Variants in MAP4K4 observed in about 807,000 individuals in gnomAD.
The protein encoded by MAP4K4 is mitogen-activated protein kinase kinase kinase kinase 4.
MAP4K4 carries 38 observed loss-of-function variants against 189.6 expected under a neutral mutation model. That is an observed-to-expected ratio of 0.20 (90% confidence interval 0.15 to 0.26). The LOEUF (loss-of-function observed/expected upper bound fraction) is 0.26, where lower values mean the gene tolerates loss of function less well. MAP4K4 is among the 10% of genes least tolerant of loss of function. The pLI, the probability that MAP4K4 is intolerant of heterozygous loss-of-function variation, is 1.00. For synonymous variants in MAP4K4, 610 were observed against 624.3 expected (o/e 0.98, Z 0.34); for missense variants, 1,054 against 1,726.9 (o/e 0.61, Z 6.91).
intron 2 of MAP4K4, among the ~76,000 whole-genome samples, chr2:101,742,079 T>G (rs1174562750): frequency 6.6e-6 from 1 of 152,216 alleles, no homozygotes; most frequent in African/African-American, 2.4e-5. Context: ...GAGGGCTGTG[T>G]GACCTGGTTC....
chr2:101,708,561 C>CT (rs34098781), intron 2 of MAP4K4, among the ~76,000 whole-genome samples: 1 of 152,092 alleles, frequency 6.6e-6, no homozygotes, highest in Non-Finnish European at 1.5e-5. Context: ...TTGAACAAAC[C>CT]TTTGAGAGAT....
chr2:101,762,613 T>C (rs2076961407), intron 2 of MAP4K4, among the ~76,000 whole-genome samples: 2 of 152,334 alleles, frequency 1.3e-5, no homozygotes, highest in Admixed American at 1.3e-4. Flanking sequence ...ATTAAGGGCA[T>C]GGCCATCTAA....
At chr2:101,794,653 A>G (rs141607306) in intron 3 of MAP4K4, among the ~76,000 whole-genome samples, 1 of 152,296 alleles carries the variant, frequency 6.6e-6, no homozygotes, top group East Asian at 1.9e-4. Context: ...ATAAAATTTT[A>G]CCTAATGTTC....
rs189188579 is a variant in MAP4K4, at chr2:101,873,138, G to A, written c.2953-509G>A. Among the ~76,000 whole-genome samples the A allele has an allele frequency of 7.2e-5, 11 of 152,234 alleles. No individual in the cohort carries two copies. The East Asian group carries it at 1.7e-3, about 24-fold the overall frequency. ...GTCCTCATTTGGTATGGGTTTAATG[G>A]TGATGCACCTAAAACAACAGTAGCC... is the stretch of plus-strand genomic sequence containing the variant. On this transcript the variant is annotated intron_variant, in intron 24 of 32. Coordinates refer to ENST00000324219, the Ensembl canonical transcript of MAP4K4.
At chr2:101,841,773 T>C (rs1028080959) in intron 10 of MAP4K4, among the ~76,000 whole-genome samples, 1 of 152,182 alleles carries the variant, frequency 6.6e-6, no homozygotes, top group Non-Finnish European at 1.5e-5. Context: ...AGCCTGATTT[T>C]CATCTTGTAT....
At chr2:101,748,534 T>G (rs1311124788) in intron 2 of MAP4K4, among the ~76,000 whole-genome samples, 1 of 152,160 alleles carries the variant, frequency 6.6e-6, no homozygotes, top group East Asian at 1.9e-4. Flanking sequence ...TGAGGCCAGG[T>G]GCGTTGTCTG....
chr2:101,787,992 C>T (rs894044215), intron 2 of MAP4K4, among the ~76,000 whole-genome samples: 10 of 151,798 alleles, frequency 6.6e-5, no homozygotes, highest in East Asian at 1.9e-4. Flanking sequence ...TTAGTGGATT[C>T]GGGGTTTCAC....
intron 2 of MAP4K4, among the ~76,000 whole-genome samples, chr2:101,773,042 T>C (rs1221689307): frequency 1.3e-5 from 2 of 152,164 alleles, no homozygotes; most frequent in African/African-American, 2.4e-5. Context: ...GCCTTGTAAA[T>C]GCTGCTGACT....
chr2:101,762,881 T>G (rs752167776), intron 2 of MAP4K4, among the ~76,000 whole-genome samples: 2 of 152,202 alleles, frequency 1.3e-5, no homozygotes, highest in Non-Finnish European at 2.9e-5. Flanking sequence ...TCTGCTAGTT[T>G]CCAGCAGCTG....
At position 101,704,560 on chromosome 2, in the gene MAP4K4, TA is replaced by T. The variant is rs1277376897; in HGVS notation, c.123+6023del. On this transcript the variant is annotated intron_variant, in intron 2 of 32. Transcript: ENST00000324219. ...GTGTGTGTATATATATATATATATA[TA>T]TATATATTTTTTTTTTTTTTTTTTT... is the stretch of plus-strand genomic sequence containing the variant. 4.2e-3 allele frequency among the ~76,000 whole-genome samples: 329 copies of T among 78,134 alleles called. 2 individuals are homozygous for T. The highest frequency in any genetic ancestry group is 6.1e-3 in the Non-Finnish European group (253 of 41,410). 51.3% of individuals were successfully genotyped at this position (78,134 alleles called of 152,430 possible).
chr2:101,850,811 G>A (rs888675442), intron 12 of MAP4K4, among the ~76,000 whole-genome samples: 5 of 152,098 alleles, frequency 3.3e-5, no homozygotes, highest in Non-Finnish European at 7.4e-5. Context: ...ATTTTGTAGC[G>A]AGTTTAATTC....
At chr2:101,794,396 T>A (rs1413271519) in intron 3 of MAP4K4, among the ~76,000 whole-genome samples, 1 of 152,220 alleles carries the variant, frequency 6.6e-6, no homozygotes, top group Non-Finnish European at 1.5e-5. Flanking sequence ...TTGAGTGAGG[T>A]TTGTCTCTGA....
intron 2 of MAP4K4, among the ~76,000 whole-genome samples, chr2:101,731,024 C>T (rs1488688571): frequency 6.7e-6 from 1 of 150,170 alleles, no homozygotes; most frequent in Non-Finnish European, 1.5e-5. Flanking sequence ...CTAGCCTGGG[C>T]GACAGAGGGA....
chr2:101,739,061 T>C (rs1439457506), intron 2 of MAP4K4, among the ~76,000 whole-genome samples: 1 of 152,172 alleles, frequency 6.6e-6, no homozygotes, highest in Non-Finnish European at 1.5e-5. Context: ...TGTCTACTGT[T>C]ACACATAATA....
chr2:101,750,964 C>A (rs1468866968), intron 2 of MAP4K4, among the ~76,000 whole-genome samples: 2 of 152,052 alleles, frequency 1.3e-5, no homozygotes, highest in Non-Finnish European at 2.9e-5. Flanking sequence ...TATCTTTTCA[C>A]TTCCTTCTGT....
intron 15 of MAP4K4, chr2:101,860,253 A>G (rs1367355615): frequency 9.8e-6 from 3 of 305,542 alleles, no homozygotes; most frequent in Admixed American, 8.7e-5. Context: ...GCAGATGTCA[A>G]GATGCCCTGC....
At chr2:101,742,621 G>A (rs1380581000) in intron 2 of MAP4K4, among the ~76,000 whole-genome samples, 1 of 152,050 alleles carries the variant, frequency 6.6e-6, no homozygotes, top group Non-Finnish European at 1.5e-5. Context: ...ACTTCCTCTG[G>A]CCCCACTTTC....
At position 101,792,520 on chromosome 2, in the gene MAP4K4, T is replaced by TA. The variant is rs938990158; in HGVS notation, c.180+1751dup. ...ATAAGTGTGCAATATGTGATCACTG[T>TA]AAAAAAAGAAGTGTAAAATATAGGA... On this transcript the variant is annotated intron_variant, in intron 3 of 32. Transcript: ENST00000324219. 1.1e-4 allele frequency among the ~76,000 whole-genome samples: 16 copies of TA among 152,132 alleles called. No homozygotes were observed. In the East Asian group the frequency reaches 2.9e-3, roughly 28 times the overall value.
At chr2:101,885,255 C>T in exon 29 of MAP4K4, 1 of 1,603,334 alleles carries the variant, frequency 6.2e-7, no homozygotes, top group Non-Finnish European at 8.5e-7. Context: ...TGCGTGGGCA[C>T]CAAAGCCATA....
Sources: allele counts gnomAD v4.1 joint callset (sites outside exome capture counted in the v4.1 genomes callset), GRCh38; gene constraint gnomAD v4.1.1; transcripts MANE v1.5; gene names NCBI Gene and HGNC (gene_info 2026-07-23, HGNC 2026-07-21).